The following BTBD9 variants were observed in gnomAD, a reference collection of about 807,000 sequenced individuals.
BTBD9 encodes BTB domain containing 9.
Under a neutral mutation model 64.3 loss-of-function variants are expected in BTBD9, and 49 were observed. The ratio of observed to expected loss-of-function variants is 0.76; its 90% confidence interval spans 0.61 to 0.97. The LOEUF (loss-of-function observed/expected upper bound fraction) is 0.97, where lower values mean the gene tolerates loss of function less well. Among genes scored for constraint, BTBD9 ranks in the 50% least tolerant of loss-of-function variants. The pLI, the probability that BTBD9 is intolerant of heterozygous loss-of-function variation, is 0.00. For synonymous variants in BTBD9, 260 were observed against 274.7 expected (o/e 0.95, Z 0.53); for missense variants, 598 against 762.1 (o/e 0.78, Z 2.53).
At chr6:38,391,895 C>T (rs532410168) in intron 6 of BTBD9, among the ~76,000 whole-genome samples, 73 of 152,326 alleles carry the variant, frequency 4.8e-4, no homozygotes, top group African/African-American at 1.7e-3. Flanking sequence ...TCAAAATCCA[C>T]AAGAACTATT....
chr6:38,408,115 G>C (rs1415070074), intron 6 of BTBD9, among the ~76,000 whole-genome samples: 2 of 152,202 alleles, frequency 1.3e-5, no homozygotes, highest in Non-Finnish European at 2.9e-5. Context: ...TCAGCACTTT[G>C]AGAGGCCGAG....
At chr6:38,511,993 G>A (rs1772796128) in intron 6 of BTBD9, among the ~76,000 whole-genome samples, 1 of 151,718 alleles carries the variant, frequency 6.6e-6, no homozygotes, top group African/African-American at 2.4e-5. Flanking sequence ...CTTTTTTTGA[G>A]ACGGAGTTTC....
chr6:38,382,296 G>A (rs1338054784), intron 6 of BTBD9, among the ~76,000 whole-genome samples: 4 of 152,118 alleles, frequency 2.6e-5, no homozygotes, highest in African/African-American at 7.2e-5. Flanking sequence ...TTGTGGTTGT[G>A]GATTTTGACC....
chr6:38,611,885 C>A (rs777890227), intron 1 of BTBD9, among the ~76,000 whole-genome samples: 6 of 152,246 alleles, frequency 3.9e-5, no homozygotes, highest in African/African-American at 7.2e-5. Context: ...TTTAAACTTA[C>A]AAAACCACTT....
intron 6 of BTBD9, among the ~76,000 whole-genome samples, chr6:38,439,268 C>T (rs771425131): frequency 1.3e-5 from 2 of 149,996 alleles, no homozygotes; most frequent in Non-Finnish European, 3.0e-5. Flanking sequence ...GGATTACAGG[C>T]GTGTACCACC....
At chr6:38,534,545 T>C (rs530271760) in intron 6 of BTBD9, among the ~76,000 whole-genome samples, 1 of 147,204 alleles carries the variant, frequency 6.8e-6, no homozygotes, top group East Asian at 2.0e-4. Flanking sequence ...TATTACCCAA[T>C]ACCAAAACCA....
At chr6:38,286,894 C>T (rs536471186) in intron 8 of BTBD9, among the ~76,000 whole-genome samples, 10 of 151,684 alleles carry the variant, frequency 6.6e-5, no homozygotes, top group African/African-American at 2.4e-4. Context: ...CCAGCCTGGC[C>T]AACATGATGA....
chr6:38,434,910 T>C (rs1203656224), intron 6 of BTBD9, among the ~76,000 whole-genome samples: 1 of 151,752 alleles, frequency 6.6e-6, no homozygotes, highest in African/African-American at 2.4e-5. Flanking sequence ...AAATGGTGTA[T>C]TTGGCCGGGC....
chr6:38,357,262 T>C (rs1314490413), intron 6 of BTBD9, among the ~76,000 whole-genome samples: 1 of 152,214 alleles, frequency 6.6e-6, no homozygotes, highest in African/African-American at 2.4e-5. Flanking sequence ...ACCTGGTGCC[T>C]TTAATTCCTA....
intron 9 of BTBD9, among the ~76,000 whole-genome samples, chr6:38,203,662 C>T (rs1762538094): frequency 1.3e-5 from 2 of 152,118 alleles, no homozygotes; most frequent in Non-Finnish European, 2.9e-5. Context: ...AAGACAAACC[C>T]CACATGTTTT....
At chr6:38,320,154 A>G (rs1422569562) in intron 7 of BTBD9, among the ~76,000 whole-genome samples, 3 of 152,256 alleles carry the variant, frequency 2.0e-5, no homozygotes, top group South Asian at 2.1e-4. Context: ...TGGGGGAGAG[A>G]TGGCATCAGC....
At chr6:38,249,712 T>C (rs1010359406) in intron 9 of BTBD9, among the ~76,000 whole-genome samples, 2 of 151,566 alleles carry the variant, frequency 1.3e-5, no homozygotes, top group Non-Finnish European at 2.9e-5. Context: ...CTGGGAGCTA[T>C]TCTTTTTGGC....
At chr6:38,212,166 T>C (rs189766213) in intron 9 of BTBD9, among the ~76,000 whole-genome samples, 110 of 152,304 alleles carry the variant, frequency 7.2e-4, no homozygotes, top group Admixed American at 1.1e-3. Context: ...AGGAGAATGT[T>C]AAAGCCTGGA....
intron 6 of BTBD9, among the ~76,000 whole-genome samples, chr6:38,464,650 C>T (rs967837759): frequency 3.3e-5 from 5 of 152,094 alleles, no homozygotes; most frequent in Admixed American, 1.3e-4. Context: ...TGCCTGCCAC[C>T]GCGCCTGGCT....
At chr6:38,588,284 C>A (rs929028844) in intron 4 of BTBD9, 1 of 1,138,934 alleles carries the variant, frequency 8.8e-7, no homozygotes, top group Non-Finnish European at 1.3e-6. Context: ...TCAGCTGCCA[C>A]ACAGTACCAG....
chr6:38,264,270 G>A (rs1040409157), intron 8 of BTBD9, among the ~76,000 whole-genome samples: 1 of 152,174 alleles, frequency 6.6e-6, no homozygotes, highest in African/African-American at 2.4e-5. Flanking sequence ...GTCAGAGAAC[G>A]AAGGGCCAGG....
At chr6:38,291,342 T>C (rs1213718381) in intron 7 of BTBD9, among the ~76,000 whole-genome samples, 1 of 152,250 alleles carries the variant, frequency 6.6e-6, no homozygotes, top group Non-Finnish European at 1.5e-5. Context: ...GCACATTGAT[T>C]TTGTAACCTG....
intron 10 of BTBD9, among the ~76,000 whole-genome samples, chr6:38,188,826 C>T (rs1360695621): frequency 6.6e-6 from 1 of 152,196 alleles, no homozygotes; most frequent in Non-Finnish European, 1.5e-5. Context: ...ACTGAGCGCT[C>T]ATGCCTGCGC....
chr6:38,599,606 T>C (rs73414309), intron 1 of BTBD9, among the ~76,000 whole-genome samples: 2,417 of 152,298 alleles, frequency 0.016, 63 homozygotes, highest in African/African-American at 0.054. Flanking sequence ...GAGACAGATA[T>C]GTTATCTCTG....
Sources: allele counts gnomAD v4.1 joint callset (sites outside exome capture counted in the v4.1 genomes callset), GRCh38; gene constraint gnomAD v4.1.1; transcripts MANE v1.5; gene names NCBI Gene and HGNC (gene_info 2026-07-23, HGNC 2026-07-21).